Variants in ANAPC5 observed in about 807,000 individuals in gnomAD.
The protein encoded by ANAPC5 is anaphase promoting complex subunit 5.
ANAPC5 carries 60 observed loss-of-function variants against 91.3 expected under a neutral mutation model. The ratio of observed to expected loss-of-function variants is 0.66; its 90% CI spans 0.53 to 0.81. ANAPC5 has a LOEUF of 0.81. ANAPC5 is among the 40% of genes least tolerant of loss of function. The pLI, the probability that ANAPC5 is intolerant of heterozygous loss-of-function variation, is 0.00. For missense variants in ANAPC5, 690 were observed against 931.5 expected, an observed-to-expected ratio of 0.74 and a Z score of 3.37; for synonymous variants, 340 against 364.1, an observed-to-expected ratio of 0.93 and a Z score of 0.75.
At chr12:121,345,499 T>C (rs1432845310) in intron 4 of ANAPC5, among the ~76,000 whole-genome samples, 1 of 152,114 alleles carries the variant, frequency 6.6e-6, no homozygotes, top group Non-Finnish European at 1.5e-5. Flanking sequence ...CACTTGCTCC[T>C]AGTCACCGAA....
chr12:121,351,717 A>T (rs1555275390), intron 1 of ANAPC5, among the ~76,000 whole-genome samples: 2 of 152,016 alleles, frequency 1.3e-5, no homozygotes, highest in African/African-American at 4.8e-5. Context: ...TTACCCTCCC[A>T]AAGTGCGGAG....
At chr12:121,326,678 G>T (rs1484278437) in intron 11 of ANAPC5, 1 of 153,752 alleles carries the variant, frequency 6.5e-6, no homozygotes. Context: ...CTGAGCCCAT[G>T]AAGTGGATTC....
rs1279848074 is a variant in ANAPC5, at chr12:121,352,256, A to G, written c.85T>C (p.Trp29Arg). The stretch of plus-strand genomic sequence containing the variant: ...ACCGCGATCTTGTACGGCGTCACCC[A>G]GTCCTTGATGCCGAACACATTGGCG... ...VHANVFGIKD[W>R]VTPYKIAVLV... Residue 29 changes from tryptophan (W) to arginine (R), a missense_variant, in exon 1 of 17, where the codon TGG (tryptophan) becomes CGG (arginine). Physicochemically the swap from Trp to Arg is moderately radical, Grantham distance 101 (BLOSUM62 -3). This residue lies in a region of ANAPC5 where 238 missense variants were observed against 264.9 expected (regional missense o/e 0.90). Coordinates refer to ENST00000261819, the MANE Select transcript of ANAPC5 (RefSeq NM_016237.5). 3 of 1,614,040 alleles carry G rather than the reference A, an allele frequency of 1.9e-6. No homozygotes were observed. Among genetic ancestry groups the G allele is most frequent in the Non-Finnish European group, 2.5e-6 (3 of 1,180,002 alleles).
chr12:121,347,866 G>T lies in ANAPC5; in HGVS notation c.223C>A (p.Leu75Met). ...TCAATTAACTTGTAAAGTTTTGACA[G>T]TGTAATATCTGGGCCCTGTGTAAAG... The part of the protein sequence containing the change: ...LPLLQGPDIT[L>M]SKLYKLIEES... Residue 75 changes from leucine to methionine, a missense_variant, in exon 2 of 17, where the codon CTG (leucine) becomes ATG (methionine). This residue lies in a region of ANAPC5 where 238 missense variants were observed against 264.9 expected (regional missense o/e 0.90). Transcript: ENST00000261819. The T allele has an allele frequency of 6.2e-7, 1 of 1,613,096 alleles. No individual in the cohort carries two copies. Among genetic ancestry groups the T allele is most frequent in the South Asian group, 1.1e-5 (1 of 91,058 alleles).
At position 121,330,584 on chromosome 12, in the gene ANAPC5, G is replaced by C; in HGVS notation, c.1121C>G (p.Pro374Arg). 6.2e-7 allele frequency: 1 copy of C among 1,613,106 alleles called. No individual in the cohort carries two copies. The highest frequency in any genetic ancestry group is 8.5e-7 in the Non-Finnish European group (1 of 1,179,556). ...SVKKAVHFGLPYLASLGIQSL... is the reference protein window; with the variant it reads ...SVKKAVHFGLRYLASLGIQSL... ...ATCTCACAGAAAGATGAGCCTTACC[G>C]GTAACCCAAAATGTACTGCCTTCTT... The change falls in exon 9 of 17, where the codon CCG (proline) becomes CGG (arginine). Residue 374 changes from proline to arginine, a missense_variant and splice_region_variant. Pro to Arg is a moderately radical substitution (Grantham distance 103, BLOSUM62 -2). Transcript: ENST00000261819.
chr12:121,349,422 T>C (rs1903799953), intron 1 of ANAPC5, among the ~76,000 whole-genome samples: 1 of 151,822 alleles, frequency 6.6e-6, no homozygotes, highest in African/African-American at 2.4e-5. Context: ...TAGCCAGGCA[T>C]GGTGGCAGGT....
At chr12:121,309,585 T>C in intron 16 of ANAPC5, 116 bp downstream of exon 16, 1 of 1,225,702 alleles carries the variant, frequency 8.2e-7, no homozygotes, top group Non-Finnish European at 1.1e-6. Context: ...TATATATTTG[T>C]GAACACTCAG....
Position 121,352,212 on chromosome 12 carries a change from C to G in ANAPC5, c.129G>C (p.Glu43Asp), listed in dbSNP as rs781826126. 2 of 1,614,134 alleles carry G rather than the reference C, an allele frequency of 1.2e-6. No homozygotes were observed. The highest frequency in any genetic ancestry group is 2.2e-5 in the South Asian group (2 of 91,088). ...YKIAVLVLLN[E>D]MSRTGEGAVS... ...CGGCGCCCTCGCCTGTGCGGCTCAT[C>G]TCGTTCAGCAGCACCAGCACCGCGA... The change falls in exon 1 of 17, where the codon GAG becomes GAC. Residue 43 changes from glutamate (E) to aspartate (D), a missense_variant. Glu to Asp is a conservative substitution (Grantham distance 45). This residue lies in a region of ANAPC5 where 238 missense variants were observed against 264.9 expected (regional missense o/e 0.90). Coordinates refer to ENST00000261819, the MANE Select transcript of ANAPC5 (RefSeq NM_016237.5).
chr12:121,335,491 G>A (rs782801975), intron 7 of ANAPC5, 42 bp downstream of exon 7: 80 of 1,543,866 alleles, frequency 5.2e-5, no homozygotes, highest in Non-Finnish European at 6.7e-5. Context: ...TATTGTCATC[G>A]GTTCCTTCAA....
At chr12:121,336,145 T>G (rs1311214262) in intron 6 of ANAPC5, among the ~76,000 whole-genome samples, 1 of 152,210 alleles carries the variant, frequency 6.6e-6, no homozygotes, top group Non-Finnish European at 1.5e-5. Context: ...TGAGACTTAC[T>G]AGTTTACTAA....
chr12:121,349,384 G>T (rs1198162051), intron 1 of ANAPC5, among the ~76,000 whole-genome samples: 1 of 151,862 alleles, frequency 6.6e-6, no homozygotes, highest in South Asian at 2.1e-4. Context: ...AACATAGGGA[G>T]ACTACATCTC....
intron 5 of ANAPC5, among the ~76,000 whole-genome samples, chr12:121,339,483 C>A (rs1555273847): frequency 1.3e-5 from 2 of 151,506 alleles, no homozygotes; most frequent in Admixed American, 6.6e-5. Context: ...AATTTTATTT[C>A]TTTTTGAGAA....
At chr12:121,330,336 T>C (rs1233876831) in intron 9 of ANAPC5, among the ~76,000 whole-genome samples, 5 of 152,234 alleles carry the variant, frequency 3.3e-5, no homozygotes, top group Non-Finnish European at 7.3e-5. Context: ...AACTAAACAA[T>C]GATCTCTTAT....
chr12:121,319,835 AC>A lies in ANAPC5; in HGVS notation c.1516-18del. 1.1e-5 allele frequency: 17 copies of A among 1,587,406 alleles called. No homozygotes were observed. The highest frequency in any genetic ancestry group is 5.4e-5 in the African/African-American group (4 of 73,910). The stretch of plus-strand genomic sequence containing the variant: ...CATCCATAACTAGTAAGAAAAAAAA[AC>A]ACAATTAAGTACAAAATGGCGAATG... On this transcript the variant is annotated intron_variant, in intron 12 of 16. Coordinates refer to ENST00000261819, the MANE Select transcript of ANAPC5 (RefSeq NM_016237.5).
intron 7 of ANAPC5, chr12:121,333,330 AAATT>A (rs1311093810): frequency 2.0e-5 from 3 of 152,322 alleles, no homozygotes; most frequent in African/African-American, 7.2e-5. Flanking sequence ...AAAAACAAAT[AAATT>A]AATTAATTAA....
At chr12:121,320,341 T>C (rs1197282401) in intron 12 of ANAPC5, 44 bp downstream of exon 12, 2 of 1,572,046 alleles carry the variant, frequency 1.3e-6, no homozygotes, top group Non-Finnish European at 1.7e-6. Context: ...ATAAAAGCTA[T>C]TTTTATCAGA....
chr12:121,346,204 C>T (rs1211795514), intron 3 of ANAPC5, 173 bp from the exon 4 acceptor site: 5 of 572,106 alleles, frequency 8.7e-6, no homozygotes, highest in Non-Finnish European at 1.5e-5. Context: ...CAGTCCTTTA[C>T]AAAGCTGGTT....
At chr12:121,325,557 C>G (rs1163776139) in intron 11 of ANAPC5, among the ~76,000 whole-genome samples, 1 of 151,328 alleles carries the variant, frequency 6.6e-6, no homozygotes, top group Non-Finnish European at 1.5e-5. Context: ...AAGTAGTTTT[C>G]TATTCTAATA....
intron 9 of ANAPC5, among the ~76,000 whole-genome samples, chr12:121,329,560 G>A (rs1475521239): frequency 6.6e-6 from 1 of 151,418 alleles, no homozygotes; most frequent in African/African-American, 2.4e-5. Flanking sequence ...ACTGCCTATG[G>A]TCTAGTTTTC....
Sources: allele counts gnomAD v4.1 joint callset (sites outside exome capture counted in the v4.1 genomes callset), GRCh38; gene constraint gnomAD v4.1.1; regional missense constraint gnomAD v4.1.1; transcripts MANE v1.5; gene names NCBI Gene and HGNC (gene_info 2026-07-23, HGNC 2026-07-21).